Variants in EIF4B observed in about 807,000 individuals in gnomAD.
EIF4B encodes the protein eukaryotic translation initiation factor 4B.
In EIF4B, 8 loss-of-function variants were observed where a neutral mutation model predicts 79.3. The ratio of observed to expected loss-of-function variants is 0.10; its 90% CI spans 0.06 to 0.18. The LOEUF (loss-of-function observed/expected upper bound fraction) is 0.18. EIF4B is among the 10% of genes least tolerant of loss of function. EIF4B has a pLI of 1.00. For missense variants in EIF4B, 515 were observed against 792.4 expected (o/e 0.65, Z 4.20); for synonymous variants, 238 against 274.7 (o/e 0.87, Z 1.32).
At position 53,037,613 on chromosome 12, in the gene EIF4B, C is replaced by T. The variant is rs759937924; in HGVS notation, c.1511C>T (p.Ser504Phe). 1.3e-4 allele frequency: 209 copies of T among 1,613,794 alleles called. No homozygotes were observed. Among genetic ancestry groups the T allele is most frequent in the Non-Finnish European group, 1.7e-4 (200 of 1,179,836 alleles). Reference protein sequence around the residue: ...RSQSSDTEQQSPTSGGGKVAP... With the variant: ...RSQSSDTEQQFPTSGGGKVAP... The stretch of plus-strand genomic sequence containing the variant: ...CAGAGCTCAGACACAGAGCAGCAGT[C>T]CCCTACAAGGTGAGTCAGTTTGGAA... The change falls in exon 11 of 15, where the codon TCC becomes TTC. Residue 504 changes from serine to phenylalanine, a missense_variant. By Grantham distance (155) the Ser-to-Phe change is radical. Transcript: ENST00000262056.
At chr12:53,013,184 G>T (rs1037448102) in intron 1 of EIF4B, among the ~76,000 whole-genome samples, 3 of 152,156 alleles carry the variant, frequency 2.0e-5, no homozygotes, top group Admixed American at 6.5e-5. Context: ...TAGAAGATAC[G>T]TATATAGAAC....
chr12:53,037,659 G>T, intron 11 of EIF4B, 37 bp downstream of exon 11: 1 of 1,605,200 alleles, frequency 6.2e-7, no homozygotes, highest in South Asian at 1.1e-5. Context: ...GTTAACTGCA[G>T]ATTCTAAAAT....
rs1010122660 is a variant in EIF4B, at chr12:53,021,940, A to G, written c.532+80A>G. ...CCATCCTTTCCCAGAAAATTTGAATAGGGGTAGTGGTGGGCCTGCCTGAAT... is the reference window on the plus strand; with the variant it reads ...CCATCCTTTCCCAGAAAATTTGAATGGGGGTAGTGGTGGGCCTGCCTGAAT... On this transcript the variant is annotated intron_variant, in intron 5 of 14. Coordinates refer to ENST00000262056, the MANE Select transcript of EIF4B (RefSeq NM_001417.7). 25 of 1,562,578 alleles carry G rather than the reference A, an allele frequency of 1.6e-5. No homozygotes were observed. In the African/African-American group the frequency reaches 3.1e-4, roughly 19 times the overall value.
rs1431863984 is a variant in EIF4B at position 53,041,869 on chromosome 12, T to C, written c.*1646T>C. 6.6e-6 allele frequency: 1 copy of C among 152,236 alleles called. No individual in the cohort carries two copies. The highest frequency in any genetic ancestry group is 1.5e-5 in the Non-Finnish European group (1 of 68,040). The allele number at this position is 152,236 out of a possible 1,614,324, so 9.4% of individuals were successfully genotyped here. A position where few individuals can be genotyped will look rare whatever the true frequency, so the allele number is the denominator to read the frequency against. ...GTGGGCTTTTAAAGAGTATTGAAGA[T>C]TGAAAGGGTTTTTCTTTCTTTTTTA... On this transcript the variant is annotated 3_prime_UTR_variant, in exon 15 of 15. Coordinates refer to ENST00000262056, the MANE Select transcript of EIF4B (RefSeq NM_001417.7).
At chr12:53,018,702 A>G (rs17691581) in intron 2 of EIF4B, 96 bp from the exon 3 acceptor site, 336,053 of 1,409,700 alleles carry the variant, frequency 0.24, 45,275 homozygotes, top group Non-Finnish European at 0.28. Flanking sequence ...CTTGTATAGC[A>G]TGTTTAATAT....
At chr12:53,019,323 T>C (rs898308122) in intron 3 of EIF4B, among the ~76,000 whole-genome samples, 1 of 151,420 alleles carries the variant, frequency 6.6e-6, no homozygotes, top group Non-Finnish European at 1.5e-5. Context: ...TGCTTGAACC[T>C]GGAAGACGGA....
At chr12:53,021,614 G>C (rs1326936409) in intron 4 of EIF4B, 192 bp from the exon 5 acceptor site, 1 of 691,760 alleles carries the variant, frequency 1.4e-6, no homozygotes, top group Non-Finnish European at 2.7e-6. Flanking sequence ...TTCAAGGCCA[G>C]CTTAAATTTG....
intron 11 of EIF4B, chr12:53,037,966 C>T (rs1057082783): frequency 3.2e-6 from 1 of 315,656 alleles, no homozygotes; most frequent in Non-Finnish European, 5.9e-6. Context: ...AGCAAAATAG[C>T]AACACTATTA....
intron 6 of EIF4B, among the ~76,000 whole-genome samples, chr12:53,027,411 A>G (rs542001513): frequency 1.3e-4 from 20 of 151,992 alleles, no homozygotes; most frequent in Non-Finnish European, 2.5e-4. Flanking sequence ...CTGGGATTAC[A>G]GGCATGAGCC....
Position 53,034,620 on chromosome 12 carries a change from G to C in EIF4B, c.1217G>C (p.Ser406Thr). 6.2e-7 allele frequency: 1 copy of C among 1,613,986 alleles called. No homozygotes were observed. Among genetic ancestry groups the C allele is most frequent in the Non-Finnish European group, 8.5e-7 (1 of 1,179,874 alleles). ...LERRPRERHP[S>T]WRSEETQERE... The stretch of plus-strand genomic sequence containing the variant: ...GTGAATCTCTCGTACAGACACCCAA[G>C]CTGGCGAAGTGAAGAAACTCAGGAA... The change falls in exon 10 of 15, where the codon AGC becomes ACC. Residue 406 changes from serine (S) to threonine (T), a missense_variant. Physicochemically the swap from Ser to Thr is moderately conservative, Grantham distance 58 (BLOSUM62 1). Transcript: ENST00000262056.
intron 6 of EIF4B, 61 bp downstream of exon 6, chr12:53,022,688 A>G (rs1943266254): frequency 6.4e-7 from 1 of 1,564,616 alleles, no homozygotes; most frequent in Non-Finnish European, 8.7e-7. Context: ...TAGTAATAGG[A>G]CAAATGTGTT....
At position 53,020,042 on chromosome 12, in the gene EIF4B, G is replaced by A. The variant is rs1565586554; in HGVS notation, c.477+16G>A. On this transcript the variant is annotated intron_variant, in intron 4 of 14. Coordinates refer to ENST00000262056, the MANE Select transcript of EIF4B (RefSeq NM_001417.7). ...CAATGAAGAGGTAAAGAAAATAAGA[G>A]TGGGGATATGAGGGGTGTAAGTTCA... 3 of 1,591,234 alleles carry A rather than the reference G, an allele frequency of 1.9e-6. No homozygotes were observed. The highest frequency in any genetic ancestry group is 2.3e-5 in the South Asian group (2 of 87,864).
At chr12:53,036,919 C>T (rs557518944) in intron 10 of EIF4B, among the ~76,000 whole-genome samples, 1 of 152,200 alleles carries the variant, frequency 6.6e-6, no homozygotes, top group Non-Finnish European at 1.5e-5. Flanking sequence ...CTCTTAGGCT[C>T]AAACGATCCG....
rs553683533 is a variant in EIF4B at position 53,017,390 on chromosome 12, G to A, written c.151+780G>A. Among the ~76,000 whole-genome samples, 4 of 152,266 alleles carry A rather than the reference G, an allele frequency of 2.6e-5. No homozygotes were observed. The South Asian group carries it at 6.2e-4, about 24-fold the overall frequency. On this transcript the variant is annotated intron_variant, in intron 2 of 14. Transcript: ENST00000262056. ...AACGAAAATGGTCTGAGGAAAAGGA[G>A]TGAGAACAGTAATTATGGTGGGAAA...
intron 11 of EIF4B, 199 bp from the exon 12 acceptor site, chr12:53,038,157 A>T: frequency 2.3e-6 from 1 of 434,446 alleles, no homozygotes; most frequent in Non-Finnish European, 4.1e-6. Flanking sequence ...GCATGATGTG[A>T]TGATTAGAAA....
At chr12:53,033,516 TATTTTTAGTAG>T (rs2120970645) in intron 8 of EIF4B, among the ~76,000 whole-genome samples, 1 of 151,384 alleles carries the variant, frequency 6.6e-6, no homozygotes, top group South Asian at 2.1e-4. Flanking sequence ...CTAATTTTTG[TATTTTTAGTAG>T]AGACGGGGTT....
intron 8 of EIF4B, among the ~76,000 whole-genome samples, chr12:53,028,430 C>A (rs552974945): frequency 5.3e-5 from 8 of 151,832 alleles, no homozygotes; most frequent in Admixed American, 6.6e-5. Flanking sequence ...TGGCAGACAC[C>A]TGTAGTCCCA....
chr12:53,039,317 C>T lies in EIF4B; in HGVS notation c.1656C>T (p.Asn552=). ...GCCGTGGTCCAGGCGACGGAGGGAA[C>T]AGAGACCACTGGAAGGAGTCAGATA... is the stretch of plus-strand genomic sequence containing the variant. The part of the protein sequence containing the change: ...NSSRGPGDGG[N]RDHWKESDRK... Residue 552 remains asparagine (N), a synonymous_variant, in exon 13 of 15, where the codon AAC becomes AAT. Coordinates refer to ENST00000262056, the MANE Select transcript of EIF4B (RefSeq NM_001417.7). 13 of 1,609,542 alleles carry T rather than the reference C, an allele frequency of 8.1e-6. No individual in the cohort carries two copies. The highest frequency in any genetic ancestry group is 1.1e-5 in the Non-Finnish European group (13 of 1,177,236).
chr12:53,016,370 T>TC (rs1943148658), intron 1 of EIF4B, 103 bp from the exon 2 acceptor site: 1 of 1,451,468 alleles, frequency 6.9e-7, no homozygotes. Flanking sequence ...TTGAGGAGCG[T>TC]CCATGTTATT....
Sources: allele counts gnomAD v4.1 joint callset (sites outside exome capture counted in the v4.1 genomes callset), GRCh38; gene constraint gnomAD v4.1.1; transcripts MANE v1.5; gene names NCBI Gene and HGNC (gene_info 2026-07-23, HGNC 2026-07-21).